SPACA7: variants seen among roughly 807,000 people sequenced by gnomAD.
SPACA7 encodes the protein sperm acrosome associated 7, also known as sperm acrosome-associated protein 7.
In SPACA7, 19 loss-of-function variants were observed where a neutral mutation model predicts 26.3. The ratio of observed to expected loss-of-function variants is 0.72; its 90% CI spans 0.50 to 1.06. The LOEUF is 1.06. Ranked by LOEUF, SPACA7 falls within the 50% of genes least tolerant of loss-of-function variation. The pLI is 0.00. For missense variants in SPACA7, 211 were observed against 229.9 expected (o/e 0.92, Z 0.53); for synonymous variants, 84 against 84.5 (o/e 0.99, Z 0.04).
At chr13:112,402,807 T>C (rs771030697) in intron 5 of SPACA7, among the ~76,000 whole-genome samples, 1 of 152,204 alleles carries the variant, frequency 6.6e-6, no homozygotes, top group Non-Finnish European at 1.5e-5. Flanking sequence ...ATGAGTTTCC[T>C]AATACTGAAC....
At chr13:112,427,640 T>C (rs1394786997) in intron 5 of SPACA7, among the ~76,000 whole-genome samples, 1 of 152,222 alleles carries the variant, frequency 6.6e-6, no homozygotes. Flanking sequence ...CTACCCAAAA[T>C]GTTTGATAGC....
chr13:112,376,463 G>C lies in SPACA7; in HGVS notation c.78G>C (p.Pro26=). 6.2e-7 allele frequency: 1 copy of C among 1,613,258 alleles called. No homozygotes were observed. The highest frequency in any genetic ancestry group is 8.5e-7 in the Non-Finnish European group (1 of 1,179,666). ...LCCWQETELR[P]RTVIPGSPTE... ...GTTGGCAAGAAACTGAGCTCCGGCC[G>C]AGAACCGTGATTCCAGGTAGGGCCC... Residue 26 remains proline (P), a synonymous_variant, in exon 1 of 7, where the codon CCG becomes CCC. Transcript: ENST00000283550.
rs375748025 is a variant in SPACA7, at chr13:112,381,594, C to T, written c.94+5115C>T. On this transcript the variant is annotated intron_variant, in intron 1 of 6. Transcript: ENST00000283550. ...CCAATTCTTCAAGACAGGGGAACTG[C>T]GATAGAGAAAGAGTAATTCACGCAG... is the stretch of plus-strand genomic sequence containing the variant. Among the ~76,000 whole-genome samples, 6 of 152,106 alleles carry T rather than the reference C, an allele frequency of 3.9e-5. No homozygotes were observed. In the South Asian group the frequency reaches 8.3e-4, roughly 21 times the overall value.
At chr13:112,407,178 A>C (rs1489697861) in intron 5 of SPACA7, among the ~76,000 whole-genome samples, 1 of 152,216 alleles carries the variant, frequency 6.6e-6, no homozygotes, top group Non-Finnish European at 1.5e-5. Flanking sequence ...ATGAGAACAA[A>C]GACACAACAT....
At chr13:112,408,213 G>A (rs1164264968) in intron 5 of SPACA7, among the ~76,000 whole-genome samples, 2 of 152,038 alleles carry the variant, frequency 1.3e-5, no homozygotes, top group Non-Finnish European at 2.9e-5. Flanking sequence ...TTGATGGGAC[G>A]TATCTCAAAA....
intron 5 of SPACA7, among the ~76,000 whole-genome samples, chr13:112,409,868 A>G (rs1447468261): frequency 1.3e-5 from 2 of 152,202 alleles, no homozygotes; most frequent in South Asian, 2.1e-4. Flanking sequence ...ATTAGTGGGT[A>G]TATACCCAAA....
chr13:112,419,952 C>T (rs920191140), intron 5 of SPACA7, among the ~76,000 whole-genome samples: 1 of 152,162 alleles, frequency 6.6e-6, no homozygotes, highest in Non-Finnish European at 1.5e-5. Flanking sequence ...GTCTCTGGCC[C>T]CCTAGCTCAT....
At chr13:112,402,031 C>T (rs980157222) in intron 5 of SPACA7, among the ~76,000 whole-genome samples, 10 of 152,072 alleles carry the variant, frequency 6.6e-5, no homozygotes, top group African/African-American at 2.2e-4. Flanking sequence ...TTTCTTTTTC[C>T]ATGTTTCCCT....
intron 1 of SPACA7, among the ~76,000 whole-genome samples, chr13:112,390,198 T>C (rs1884790908): frequency 6.6e-6 from 1 of 151,850 alleles, no homozygotes; most frequent in African/African-American, 2.4e-5. Context: ...CTAACGGAGA[T>C]TAGATGGTGA....
intron 5 of SPACA7, among the ~76,000 whole-genome samples, chr13:112,425,125 C>A (rs1876402516): frequency 6.6e-6 from 1 of 152,206 alleles, no homozygotes; most frequent in Non-Finnish European, 1.5e-5. Flanking sequence ...AACTCAGATG[C>A]AACCTGACAG....
intron 1 of SPACA7, chr13:112,382,293 C>A: frequency 1.4e-6 from 1 of 724,316 alleles, no homozygotes; most frequent in Non-Finnish European, 2.2e-6. Flanking sequence ...CACTCTGTTG[C>A]CAGACTGGAG....
intron 6 of SPACA7, 24 bp from the exon 7 acceptor site, chr13:112,434,461 T>C: frequency 1.3e-6 from 2 of 1,595,478 alleles, no homozygotes; most frequent in East Asian, 2.3e-5. Flanking sequence ...ACTGCCAGTC[T>C]CAAAATCTCC....
At chr13:112,390,796 C>G (rs1030102644) in intron 1 of SPACA7, among the ~76,000 whole-genome samples, 9 of 152,216 alleles carry the variant, frequency 5.9e-5, no homozygotes, top group African/African-American at 2.2e-4. Flanking sequence ...TCCCACCAGG[C>G]TCCTCCTCCA....
chr13:112,405,732 C>A (rs1024300468), intron 5 of SPACA7, among the ~76,000 whole-genome samples: 10 of 152,092 alleles, frequency 6.6e-5, no homozygotes, highest in African/African-American at 2.4e-4. Flanking sequence ...ACCTATTCAA[C>A]CTGTCTTTTG....
chr13:112,415,273 A>G (rs972174088), intron 5 of SPACA7, among the ~76,000 whole-genome samples: 11 of 152,338 alleles, frequency 7.2e-5, no homozygotes, highest in Non-Finnish European at 1.6e-4. Flanking sequence ...GGTCTCACCC[A>G]AAGTCCCACA....
intron 5 of SPACA7, among the ~76,000 whole-genome samples, chr13:112,404,733 T>C (rs1885864508): frequency 6.6e-6 from 1 of 152,200 alleles, no homozygotes; most frequent in South Asian, 2.1e-4. Context: ...CTGTAAGGAC[T>C]TGGCTTTATT....
intron 5 of SPACA7, among the ~76,000 whole-genome samples, chr13:112,415,196 G>A (rs1339029423): frequency 6.6e-6 from 1 of 152,202 alleles, no homozygotes; most frequent in Non-Finnish European, 1.5e-5. Flanking sequence ...TCCACACTGA[G>A]CTGCCTGGAG....
intron 2 of SPACA7, among the ~76,000 whole-genome samples, chr13:112,395,207 A>T (rs539847385): frequency 6.6e-5 from 10 of 152,118 alleles, no homozygotes; most frequent in Admixed American, 5.9e-4. Context: ...TGTGCTGGGG[A>T]TGGCTCATCA....
intron 2 of SPACA7, among the ~76,000 whole-genome samples, chr13:112,394,133 C>T (rs1177529462): frequency 6.6e-6 from 1 of 152,188 alleles, no homozygotes; most frequent in Non-Finnish European, 1.5e-5. Context: ...GTGTCCTTTG[C>T]CTTCACGGCC....
Sources: allele counts gnomAD v4.1 joint callset (sites outside exome capture counted in the v4.1 genomes callset), GRCh38; gene constraint gnomAD v4.1.1; transcripts MANE v1.5; gene names NCBI Gene and HGNC (gene_info 2026-07-23, HGNC 2026-07-21).